The following TUT4 variants were observed in gnomAD, a reference collection of about 807,000 sequenced individuals.
TUT4 encodes the protein terminal uridylyl transferase 4.
TUT4 carries 36 observed loss-of-function variants against 192.2 expected under a neutral mutation model. The ratio of observed to expected loss-of-function variants is 0.19; its 90% CI spans 0.14 to 0.25. TUT4 has a LOEUF of 0.25. Among genes scored for constraint, TUT4 ranks in the 10% least tolerant of loss-of-function variants. The pLI, the probability that TUT4 is intolerant of heterozygous loss-of-function variation, is 1.00. For missense variants in TUT4, 1,493 were observed against 1,957.2 expected (o/e 0.76, Z 4.47); for synonymous variants, 618 against 666.0 (o/e 0.93, Z 1.11).
chr1:52,494,640 C>T (rs1355169592), intron 6 of TUT4, among the ~76,000 whole-genome samples: 1 of 152,024 alleles, frequency 6.6e-6, no homozygotes, highest in Non-Finnish European at 1.5e-5. Context: ...TGCAGTCAGC[C>T]GAGACTGCAT....
chr1:52,529,066 A>G (rs968137555), intron 1 of TUT4, among the ~76,000 whole-genome samples: 1 of 152,102 alleles, frequency 6.6e-6, no homozygotes, highest in African/African-American at 2.4e-5. Flanking sequence ...GCTTTTCCAG[A>G]GTAATACTGT....
At chr1:52,497,622 C>A (rs764518403) in intron 4 of TUT4, among the ~76,000 whole-genome samples, 56 of 152,210 alleles carry the variant, frequency 3.7e-4, no homozygotes, top group Admixed American at 6.5e-4. Flanking sequence ...CCAGTGATTT[C>A]TCTTTGTGAT....
intron 14 of TUT4, among the ~76,000 whole-genome samples, chr1:52,469,714 C>A (rs1368812998): frequency 6.6e-6 from 1 of 152,014 alleles, no homozygotes; most frequent in East Asian, 1.9e-4. Flanking sequence ...CACAGTGAAA[C>A]CCTGTCTCTA....
chr1:52,479,440 GA>G (rs1667918368), intron 11 of TUT4, among the ~76,000 whole-genome samples: 1 of 152,192 alleles, frequency 6.6e-6, no homozygotes, highest in Admixed American at 6.5e-5. Context: ...CTAGGACCAG[GA>G]AGGTAACAGT....
chr1:52,460,919 AGT>A, intron 19 of TUT4: 1 of 323,474 alleles, frequency 3.1e-6, no homozygotes, highest in Admixed American at 4.7e-5. Flanking sequence ...GAAACTGACT[AGT>A]CAGTTGCACA....
At chr1:52,523,926 T>C (rs1680987630) in intron 2 of TUT4, among the ~76,000 whole-genome samples, 1 of 152,206 alleles carries the variant, frequency 6.6e-6, no homozygotes, top group South Asian at 2.1e-4. Flanking sequence ...CAGAAATAGG[T>C]TCTTTTTATT....
intron 1 of TUT4, among the ~76,000 whole-genome samples, chr1:52,527,372 C>G (rs897570496): frequency 3.3e-5 from 5 of 152,036 alleles, no homozygotes; most frequent in African/African-American, 4.8e-5. Context: ...ATAGTGAAAC[C>G]CTGTCTCTAC....
chr1:52,460,991 T>C, intron 19 of TUT4, 143 bp downstream of exon 19: 1 of 552,142 alleles, frequency 1.8e-6, no homozygotes, highest in Non-Finnish European at 3.0e-6. Flanking sequence ...TAGGTATCTA[T>C]TCAAGCTATA....
chr1:52,425,396 T>A lies in TUT4; in HGVS notation c.4823A>T (p.His1608Leu). The change falls in exon 29 of 30, where the codon CAT becomes CTT. Residue 1608 changes from histidine (H) to leucine (L), a missense_variant. Around this residue, in one of 7 missense-constraint regions of TUT4, gnomAD observed 351 missense variants for 397.8 expected, o/e 0.88. Coordinates refer to ENST00000257177, the MANE Select transcript of TUT4 (RefSeq NM_001009881.3). The part of the protein sequence containing the change: ...WPYGLHQNFM[H>L]QGNARFQPNK... ...GGGCTGGAATCGGGCATTTCCCTGA[T>A]GCATGAAGTTTTGATGCAAACCATA... 1 of 1,614,016 alleles carries A rather than the reference T, an allele frequency of 6.2e-7. No individual in the cohort carries two copies. Among genetic ancestry groups the A allele is most frequent in the South Asian group, 1.1e-5 (1 of 91,056 alleles).
At chr1:52,459,000 A>C (rs978148447) in intron 19 of TUT4, among the ~76,000 whole-genome samples, 45 of 152,192 alleles carry the variant, frequency 3.0e-4, no homozygotes, top group African/African-American at 9.4e-4. Flanking sequence ...ACATAATGGA[A>C]TGGTATGCAA....
intron 2 of TUT4, among the ~76,000 whole-genome samples, chr1:52,524,555 C>A (rs1681193105): frequency 6.6e-6 from 1 of 151,640 alleles, no homozygotes; most frequent in Non-Finnish European, 1.5e-5. Context: ...TGCCTGTAAT[C>A]CCAGCATTTT....
At chr1:52,487,848 G>A (rs902020913) in intron 9 of TUT4, among the ~76,000 whole-genome samples, 17 of 152,260 alleles carry the variant, frequency 1.1e-4, no homozygotes, top group South Asian at 2.1e-4. Context: ...TAAAATAAGC[G>A]GAAGTGGGGA....
At chr1:52,527,238 G>A (rs938477018) in intron 1 of TUT4, among the ~76,000 whole-genome samples, 5 of 152,068 alleles carry the variant, frequency 3.3e-5, no homozygotes, top group African/African-American at 4.8e-5. Flanking sequence ...AAATGAATTC[G>A]CTGAAGTATA....
intron 27 of TUT4, chr1:52,433,297 C>T (rs1652688088): frequency 6.6e-6 from 1 of 152,118 alleles, no homozygotes; most frequent in African/African-American, 2.4e-5. Flanking sequence ...TCTCAAACTC[C>T]CGACCTCAGG....
Position 52,496,859 on chromosome 1 carries a change from C to A in TUT4, c.1177+147G>T. On this transcript the variant is annotated intron_variant, in intron 5 of 29. Transcript: ENST00000257177. The stretch of plus-strand genomic sequence containing the variant: ...CTCAATTTCCTTGTGTGAAATATTT[C>A]CCTCAAAAATTCATTCATAAAACAA... The A allele has an allele frequency of 8.0e-6, 6 of 751,184 alleles. No homozygotes were observed. The South Asian group carries it at 1.1e-4, about 14-fold the overall frequency. The allele number at this position is 751,184 out of a possible 1,614,324, so 46.5% of individuals were successfully genotyped here. A position where few individuals can be genotyped will look rare whatever the true frequency, so the allele number is the denominator to read the frequency against.
chr1:52,493,635 C>G lies in TUT4; in HGVS notation c.1294G>C (p.Val432Leu). ...KMNHPDLLIK[V>L]LGILKKNVLY... ...CCATTTTTCTTTAAAATCCCAAGTA[C>G]TTTTATCAGAAGATCTGGATGATTC... Residue 432 changes from valine to leucine, a missense_variant, in exon 7 of 30, where the codon GTA (valine) becomes CTA (leucine). Val to Leu is a conservative substitution (Grantham distance 32, BLOSUM62 1). Around this residue, in one of 7 missense-constraint regions of TUT4, gnomAD observed 437 missense variants for 577.6 expected, o/e 0.76. Transcript: ENST00000257177. 6.7e-7 allele frequency: 1 copy of G among 1,493,716 alleles called. No homozygotes were observed. Among genetic ancestry groups the G allele is most frequent in the Non-Finnish European group, 9.1e-7 (1 of 1,101,176 alleles). The allele number at this position is 1,493,716 out of a possible 1,614,324, so 92.5% of individuals were successfully genotyped here.
intron 24 of TUT4, among the ~76,000 whole-genome samples, chr1:52,441,852 C>T (rs986982862): frequency 2.6e-5 from 4 of 152,046 alleles, no homozygotes; most frequent in Non-Finnish European, 5.9e-5. Flanking sequence ...ACAGGAAGGA[C>T]TGTGGCACAA....
intron 4 of TUT4, among the ~76,000 whole-genome samples, chr1:52,503,873 ATGTT>A (rs1410507043): frequency 2.0e-5 from 3 of 152,002 alleles, no homozygotes; most frequent in Non-Finnish European, 4.4e-5. Context: ...AGTCCCTTAA[ATGTT>A]TGTATTCCTT....
At chr1:52,466,018 T>C (rs1017014991) in intron 15 of TUT4, among the ~76,000 whole-genome samples, 2 of 152,164 alleles carry the variant, frequency 1.3e-5, no homozygotes, top group Non-Finnish European at 2.9e-5. Flanking sequence ...GTGGCTGAGA[T>C]AACAGGTGTG....
Sources: gnomAD v4.1 joint callset for allele counts (sites outside exome capture counted in the v4.1 genomes callset) on GRCh38, gnomAD v4.1.1 for gene constraint, gnomAD v4.1.1 regional missense constraint, MANE v1.5 for transcripts, NCBI Gene and HGNC (gene_info 2026-07-23, HGNC 2026-07-21) for gene names.